ANKRD27: variants seen among roughly 807,000 people sequenced by gnomAD.
ANKRD27 encodes the protein ankyrin repeat domain 27, also known as ankyrin repeat domain-containing protein 27.
A neutral mutation model predicts 129.7 loss-of-function variants in ANKRD27; 112 were observed. The observed-to-expected ratio is 0.86, with a 90% CI of 0.74 to 1.01. The LOEUF (loss-of-function observed/expected upper bound fraction) is 1.01, where lower values mean the gene tolerates loss of function less well. Among genes scored for constraint, ANKRD27 ranks in the 50% least tolerant of loss-of-function variants. ANKRD27 has a pLI of 0.00. For synonymous variants in ANKRD27, 516 were observed against 511.2 expected (o/e 1.01, Z -0.13); for missense variants, 1,258 against 1,300.5 (o/e 0.97, Z 0.50).
chr19:32,607,136 T>C (rs12460624), intron 23 of ANKRD27, among the ~76,000 whole-genome samples: 78,530 of 127,512 alleles, frequency 0.62, 24,533 homozygotes, highest in Non-Finnish European at 0.7. Flanking sequence ...CAGAGCAAGG[T>C]GATGTCTTAA....
rs915365326 is a variant in ANKRD27 at position 32,631,580 on chromosome 19, T to C, written c.1117-86A>G. On this transcript the variant is annotated intron_variant, in intron 12 of 28. Transcript: ENST00000306065. ...CCTCAGCAACAACCCCGGCTGTCTC[T>C]TCAGAGCAGTATCGGCTGCGCCTCT... The C allele has an allele frequency of 1.3e-5, 14 of 1,061,006 alleles. No homozygotes were observed. The Admixed American group carries it at 2.2e-4, about 17-fold the overall frequency. 65.7% of individuals were successfully genotyped at this position (1,061,006 alleles called of 1,614,324 possible).
Position 32,601,977 on chromosome 19 carries a change from C to A in ANKRD27, c.2767+38G>T, listed in dbSNP as rs778962271. 2.2e-6 allele frequency: 3 copies of A among 1,335,166 alleles called. No individual in the cohort carries two copies. The Admixed American group carries it at 5.3e-5, about 24-fold the overall frequency. The allele number at this position is 1,335,166 out of a possible 1,614,324, so 82.7% of individuals were successfully genotyped here. A position where few individuals can be genotyped will look rare whatever the true frequency, so the allele number is the denominator to read the frequency against. On this transcript the variant is annotated intron_variant, in intron 26 of 28. Transcript: ENST00000306065. ...AACTACTCATGAATGTCTAAATATA[C>A]CCAACTTGAGCGTGACAGAAAGAAC...
At chr19:32,662,800 T>A (rs1967671510) in intron 1 of ANKRD27, among the ~76,000 whole-genome samples, 1 of 151,908 alleles carries the variant, frequency 6.6e-6, no homozygotes, top group African/African-American at 2.4e-5. Context: ...CTCAACACTT[T>A]GGGAGGCCTA....
chr19:32,631,403 T>C lies in ANKRD27; in HGVS notation c.1208A>G (p.Lys403Arg), dbSNP rs548667533. ...CACAGAGATGTCTTGGTATCTCACCTTAAACAGGCAGTCGGTGGGAGACGA... is the reference window on the plus strand; with the variant it reads ...CACAGAGATGTCTTGGTATCTCACCCTAAACAGGCAGTCGGTGGGAGACGA... ...MTSSPTDCLF[K>R]HIASGNQKEV... The change falls in exon 13 of 29, where the codon AAG becomes AGG. Residue 403 changes from lysine to arginine, a missense_variant and splice_region_variant. Coordinates refer to ENST00000306065, the MANE Select transcript of ANKRD27 (RefSeq NM_032139.3). The C allele has an allele frequency of 5.0e-6, 8 of 1,613,632 alleles. No individual in the cohort carries two copies. The South Asian group carries it at 6.6e-5, about 13-fold the overall frequency.
chr19:32,653,737 G>GCGGGGA (rs1967465935), intron 2 of ANKRD27, among the ~76,000 whole-genome samples: 2 of 150,630 alleles, frequency 1.3e-5, no homozygotes, highest in African/African-American at 4.9e-5. Context: ...CGTGGCGGGG[G>GCGGGGA]CGGGGACGGG....
Position 32,599,723 on chromosome 19 carries a change from G to A in ANKRD27, c.2900C>T (p.Thr967Ile), listed in dbSNP as rs761935172. Residue 967 changes from threonine to isoleucine, a missense_variant, in exon 28 of 29, where the codon ACC becomes ATC. Thr to Ile is a moderately conservative substitution (Grantham distance 89). Transcript: ENST00000306065. Reference sequence around the variant, plus strand: ...ACTTACCTCATGCAAAGAACCTTCGGTTAAATTAGGGACACTTCTATCTCT... The same window carrying A: ...ACTTACCTCATGCAAAGAACCTTCGATTAAATTAGGGACACTTCTATCTCT... ...MARDRSVPNL[T>I]EGSLHEPGRQ... 2 of 1,613,258 alleles carry A rather than the reference G, an allele frequency of 1.2e-6. No individual in the cohort carries two copies. The highest frequency in any genetic ancestry group is 2.2e-5 in the South Asian group (2 of 90,748).
intron 14 of ANKRD27, 51 bp from the exon 15 acceptor site, chr19:32,628,216 G>C (rs567474444): frequency 6.6e-7 from 1 of 1,515,846 alleles, no homozygotes; most frequent in Non-Finnish European, 9.1e-7. Flanking sequence ...GCACAGCAAA[G>C]CCTCTCCCTG....
At chr19:32,637,141 G>A (rs1967106385) in intron 12 of ANKRD27, among the ~76,000 whole-genome samples, 1 of 152,180 alleles carries the variant, frequency 6.6e-6, no homozygotes, top group Non-Finnish European at 1.5e-5. Context: ...GAATGGGGTG[G>A]AAATGCCTGC....
intron 20 of ANKRD27, among the ~76,000 whole-genome samples, chr19:32,618,907 A>G (rs924204027): frequency 5.3e-5 from 8 of 152,284 alleles, no homozygotes; most frequent in Non-Finnish European, 1.0e-4. Context: ...CGAGACTCTT[A>G]TCTCAAAAAA....
At chr19:32,624,054 A>G (rs1972053210) in intron 17 of ANKRD27, among the ~76,000 whole-genome samples, 1 of 152,134 alleles carries the variant, frequency 6.6e-6, no homozygotes, top group Non-Finnish European at 1.5e-5. Flanking sequence ...CACACGATAG[A>G]TCACTGCAGC....
chr19:32,611,148 C>T (rs1332075563), intron 22 of ANKRD27, among the ~76,000 whole-genome samples: 1 of 152,118 alleles, frequency 6.6e-6, no homozygotes, highest in Non-Finnish European at 1.5e-5. Flanking sequence ...GAACCTAAGA[C>T]TTCACCCAAT....
chr19:32,615,753 C>T lies in ANKRD27; in HGVS notation c.2080G>A (p.Glu694Lys). 6.2e-7 allele frequency: 1 copy of T among 1,614,046 alleles called. No individual in the cohort carries two copies. Among genetic ancestry groups the T allele is most frequent in the Non-Finnish European group, 8.5e-7 (1 of 1,179,996 alleles). The part of the protein sequence containing the change: ...MVRYLLEWTE[E>K]DLEDAEDTVS... ...GTGTCCTCCGCATCCTCCAGGTCCT[C>T]CTCTGTCCATTCCAACAGGTAACGC... is the stretch of plus-strand genomic sequence containing the variant. The change falls in exon 22 of 29, where the codon GAG (glutamate) becomes AAG (lysine). Residue 694 changes from glutamate (E) to lysine (K), a missense_variant. Physicochemically the swap from Glu to Lys is moderately conservative, Grantham distance 56. Transcript: ENST00000306065.
chr19:32,611,632 AGTGCAATGG>A (rs1356197229), intron 22 of ANKRD27, among the ~76,000 whole-genome samples: 1 of 152,226 alleles, frequency 6.6e-6, no homozygotes, highest in East Asian at 1.9e-4. Flanking sequence ...CCCAGGCTAG[AGTGCAATGG>A]CACGATCTCG....
chr19:32,661,771 T>G (rs1967650712), intron 1 of ANKRD27, among the ~76,000 whole-genome samples: 1 of 152,198 alleles, frequency 6.6e-6, no homozygotes, highest in Non-Finnish European at 1.5e-5. Context: ...CACATGTCTG[T>G]GTCAGCCCTC....
chr19:32,673,194 G>A (rs1967906169), intron 1 of ANKRD27: 5 of 769,982 alleles, frequency 6.5e-6, no homozygotes, highest in Non-Finnish European at 7.9e-6. Context: ...TGCCGGCCAA[G>A]ATTATTTCAG....
intron 12 of ANKRD27, among the ~76,000 whole-genome samples, chr19:32,632,402 A>G (rs1004630452): frequency 1.3e-5 from 2 of 151,974 alleles, no homozygotes; most frequent in Admixed American, 1.3e-4. Flanking sequence ...CCTGGCCAAC[A>G]TGGTGAAACC....
At chr19:32,614,456 C>A (rs1971881830) in intron 22 of ANKRD27, among the ~76,000 whole-genome samples, 1 of 152,036 alleles carries the variant, frequency 6.6e-6, no homozygotes. Flanking sequence ...GTAATCCCAG[C>A]ACTTTGGGAG....
chr19:32,633,860 A>G (rs1341088808), intron 12 of ANKRD27, among the ~76,000 whole-genome samples: 4 of 151,610 alleles, frequency 2.6e-5, no homozygotes, highest in Admixed American at 2.0e-4. Flanking sequence ...CATCTCTACA[A>G]AAAATTTAAG....
intron 12 of ANKRD27, chr19:32,639,002 A>G: frequency 2.6e-6 from 1 of 382,112 alleles, no homozygotes; most frequent in African/African-American, 2.1e-5. Flanking sequence ...CCGGCTGGAA[A>G]AGCGACAGTC....
Sources: gnomAD v4.1 joint callset for allele counts (sites outside exome capture counted in the v4.1 genomes callset) on GRCh38, gnomAD v4.1.1 for gene constraint, MANE v1.5 for transcripts, NCBI Gene and HGNC (gene_info 2026-07-23, HGNC 2026-07-21) for gene names.